ZNF112: variants seen among roughly 807,000 people sequenced by gnomAD.
ZNF112 encodes zinc finger protein 112 (Y14).
ZNF112 carries 37 observed loss-of-function variants against 77.7 expected under a neutral mutation model. The observed-to-expected ratio is 0.48, with a 90% CI of 0.37 to 0.63. ZNF112 has a LOEUF of 0.63. Among genes scored for constraint, ZNF112 ranks in the 20% least tolerant of loss-of-function variants. ZNF112 has a pLI of 0.00. For missense variants in ZNF112, 950 were observed against 1,077.4 expected (o/e 0.88, Z 1.66); for synonymous variants, 333 against 363.6 (o/e 0.92, Z 0.96).
At chr19:44,359,703 G>C (rs2123225951), upstream of ZNF112, among the ~76,000 whole-genome samples, 1 of 152,176 alleles carries the variant, frequency 6.6e-6, no homozygotes, top group East Asian at 1.9e-4. Context: ...AATTGATAAG[G>C]TTTCTATCTT....
rs1347867804 is a variant in ZNF112, at chr19:44,366,488, T to G, written c.17+593A>C. Among the ~76,000 whole-genome samples, 5 of 152,270 alleles carry G rather than the reference T, an allele frequency of 3.3e-5. No individual in the cohort carries two copies. The East Asian group carries it at 9.7e-4, about 29-fold the overall frequency. On this transcript the variant is annotated intron_variant, in intron 1 of 4. Coordinates refer to the ZNF112 transcript ENST00000588057. ...GATGACACGGCAAGAAGAAGGATGC[T>G]AAGTCACACTCAGTTAAGGTTCTGC... is the stretch of plus-strand genomic sequence containing the variant.
In ZNF112 at chr19:44,329,276, A is replaced by C. The variant is rs1166496890; in HGVS notation, c.881T>G (p.Leu294Arg). ...SCGKGCNYSS[L>R]LHIHQNIERE... ...CTCAATATTTTGATGAATATGAAGA[A>C]GTGAACTATAATTACAGCCCTTTCC... Residue 294 changes from leucine to arginine, a missense_variant, in exon 4 of 4, where the codon CTT becomes CGT. Physicochemically the swap from Leu to Arg is moderately radical, Grantham distance 102 (BLOSUM62 -2). Around this residue, in one of 3 missense-constraint regions of ZNF112, gnomAD observed 560 missense variants for 557.3 expected, o/e 1.00. Coordinates refer to ENST00000354340, the MANE Select transcript of ZNF112 (RefSeq NM_013380.4). 4 of 1,614,010 alleles carry C rather than the reference A, an allele frequency of 2.5e-6. No homozygotes were observed. Among genetic ancestry groups the C allele is most frequent in the Non-Finnish European group, 3.4e-6 (4 of 1,180,006 alleles).
At chr19:44,330,406 A>G (rs974133554) in intron 3 of ZNF112, among the ~76,000 whole-genome samples, 4 of 152,194 alleles carry the variant, frequency 2.6e-5, no homozygotes, top group Admixed American at 6.6e-5. Flanking sequence ...CGACCTGGAC[A>G]TCGAACATGA....
At chr19:44,334,173 G>C (rs778161689) in intron 3 of ZNF112, among the ~76,000 whole-genome samples, 26 of 152,192 alleles carry the variant, frequency 1.7e-4, no homozygotes, top group Non-Finnish European at 3.1e-4. Flanking sequence ...TTAGCAAAGA[G>C]ACTGGCAGCA....
intron 2 of ZNF112, among the ~76,000 whole-genome samples, chr19:44,336,985 C>A (rs1568665203): frequency 6.6e-6 from 1 of 151,546 alleles, no homozygotes; most frequent in African/African-American, 2.4e-5. Context: ...TCAAGCAATC[C>A]TCCCACCTGG....
chr19:44,332,964 A>G lies in ZNF112; in HGVS notation c.221-3028T>C, dbSNP rs1970297187. Among the ~76,000 whole-genome samples the G allele has an allele frequency of 2.0e-5, 3 of 152,236 alleles. No individual in the cohort carries two copies. The South Asian group carries it at 6.2e-4, about 32-fold the overall frequency. On this transcript the variant is annotated intron_variant, in intron 3 of 3. Transcript: ENST00000354340. Reference sequence around the variant, plus strand: ...AACTCAACATTTAAGTTCTATTTCAATATCAATGGTAGAATGGTAATAAGA... The same window carrying G: ...AACTCAACATTTAAGTTCTATTTCAGTATCAATGGTAGAATGGTAATAAGA...
intron 3 of ZNF112, among the ~76,000 whole-genome samples, chr19:44,335,874 T>C (rs1599918376): frequency 6.6e-6 from 1 of 152,344 alleles, no homozygotes; most frequent in East Asian, 1.9e-4. Context: ...GCTTTTGATG[T>C]CAGTCTTGAG....
intron 3 of ZNF112, among the ~76,000 whole-genome samples, chr19:44,330,463 T>C (rs1379969792): frequency 2.0e-5 from 3 of 152,140 alleles, no homozygotes; most frequent in African/African-American, 7.2e-5. Flanking sequence ...TGGCTGGGCA[T>C]GGTGGCTCAT....
At chr19:44,334,607 C>G (rs769833463) in intron 3 of ZNF112, among the ~76,000 whole-genome samples, 1 of 152,240 alleles carries the variant, frequency 6.6e-6, no homozygotes, top group Non-Finnish European at 1.5e-5. Context: ...AGGCCCAGGG[C>G]CCTGCTGTTT....
intron 3 of ZNF112, among the ~76,000 whole-genome samples, chr19:44,333,308 C>T (rs1487604471): frequency 6.6e-6 from 1 of 152,184 alleles, no homozygotes; most frequent in African/African-American, 2.4e-5. Flanking sequence ...GCGAGAACAT[C>T]AGCTCAGGTT....
intron 2 of ZNF112, among the ~76,000 whole-genome samples, chr19:44,338,835 G>A (rs1212410727): frequency 1.3e-5 from 2 of 152,184 alleles, no homozygotes; most frequent in Non-Finnish European, 2.9e-5. Flanking sequence ...GGCTGAGGCA[G>A]GTGGATCACC....
intron 1 of ZNF112, among the ~76,000 whole-genome samples, chr19:44,351,169 T>C (rs1970685237): frequency 6.6e-6 from 1 of 152,132 alleles, no homozygotes; most frequent in Non-Finnish European, 1.5e-5. Context: ...CACTTTCTTC[T>C]AATTTTGATC....
chr19:44,343,941 C>T (rs995739998), intron 1 of ZNF112, among the ~76,000 whole-genome samples: 2 of 152,164 alleles, frequency 1.3e-5, no homozygotes, highest in African/African-American at 2.4e-5. Flanking sequence ...CCCGTAACTT[C>T]GGAATGTCTG....
At chr19:44,361,137 G>A (rs1275445906), upstream of ZNF112, among the ~76,000 whole-genome samples, 1 of 152,158 alleles carries the variant, frequency 6.6e-6, no homozygotes, top group Admixed American at 6.5e-5. Context: ...CATTAGACAT[G>A]CAAAATTCAT....
intron 1 of ZNF112, among the ~76,000 whole-genome samples, chr19:44,344,711 G>A (rs1246291202): frequency 4.6e-5 from 7 of 152,204 alleles, no homozygotes; most frequent in Non-Finnish European, 1.0e-4. Flanking sequence ...CATACATGAT[G>A]ATGGAGGATG....
intron 1 of ZNF112, among the ~76,000 whole-genome samples, chr19:44,341,553 C>T (rs1200528214): frequency 6.6e-6 from 1 of 152,054 alleles, no homozygotes; most frequent in Non-Finnish European, 1.5e-5. Context: ...GATATGAAAG[C>T]TTTTTAAAAA....
At chr19:44,341,371 G>A (rs1422043826) in intron 1 of ZNF112, among the ~76,000 whole-genome samples, 2 of 152,130 alleles carry the variant, frequency 1.3e-5, no homozygotes, top group Non-Finnish European at 2.9e-5. Context: ...GTTAACCTCT[G>A]GAATTCTGTT....
intron 1 of ZNF112, chr19:44,341,150 G>A (rs986155222): frequency 6.6e-5 from 30 of 456,654 alleles, no homozygotes; most frequent in Middle Eastern, 3.3e-4. Context: ...CACATGTAAA[G>A]CATGGAAAAC....
At chr19:44,343,871 C>T (rs1225840981) in intron 1 of ZNF112, among the ~76,000 whole-genome samples, 2 of 152,134 alleles carry the variant, frequency 1.3e-5, no homozygotes, top group East Asian at 1.9e-4. Context: ...ATTGCCCTGG[C>T]GAATGTATTT....
Sources: allele counts gnomAD v4.1 joint callset (sites outside exome capture counted in the v4.1 genomes callset), GRCh38; gene constraint gnomAD v4.1.1; regional missense constraint gnomAD v4.1.1; transcripts MANE v1.5; gene names NCBI Gene and HGNC (gene_info 2026-07-23, HGNC 2026-07-21).